The following PLPP1 variants were observed in gnomAD, a reference collection of about 807,000 sequenced individuals.
PLPP1 encodes the protein lipid phosphate phosphohydrolase 1a.
PLPP1 carries 24 observed loss-of-function variants against 31.2 expected under a neutral mutation model. The ratio of observed to expected loss-of-function variants is 0.77; its 90% confidence interval spans 0.56 to 1.08. The LOEUF (loss-of-function observed/expected upper bound fraction) is 1.08, where lower values mean the gene tolerates loss of function less well. Ranked by LOEUF, PLPP1 falls within the 50% of genes least tolerant of loss-of-function variation. PLPP1 has a pLI of 0.00. For missense variants in PLPP1, 319 were observed against 342.7 expected (o/e 0.93, Z 0.55); for synonymous variants, 146 against 126.3 (o/e 1.16, Z -1.05).
rs572787177 is a variant in PLPP1, at chr5:55,461,355, A to G, written c.491+6514T>C. Among the ~76,000 whole-genome samples the G allele has an allele frequency of 2.2e-3, 329 of 152,270 alleles. 4 individuals are homozygous for G. The highest frequency in any genetic ancestry group is 7.7e-3 in the African/African-American group (319 of 41,536). On this transcript the variant is annotated intron_variant, in intron 3 of 5. Coordinates refer to ENST00000307259, the MANE Select transcript of PLPP1 (RefSeq NM_003711.4). ...ACAGACCAATAACTCATAAACACAGATGTAAAAATCCTTAATAAAATATTA... is the reference window on the plus strand; with the variant it reads ...ACAGACCAATAACTCATAAACACAGGTGTAAAAATCCTTAATAAAATATTA...
chr5:55,467,092 G>A (rs1042663523), intron 3 of PLPP1, among the ~76,000 whole-genome samples: 2 of 152,070 alleles, frequency 1.3e-5, no homozygotes, highest in African/African-American at 2.4e-5. Flanking sequence ...CAATAAGGGC[G>A]TTATAAGACA....
intron 3 of PLPP1, among the ~76,000 whole-genome samples, chr5:55,449,613 A>T (rs1384962846): frequency 2.6e-5 from 4 of 152,214 alleles, no homozygotes; most frequent in Admixed American, 2.6e-4. Context: ...GTTTTAACAT[A>T]TATATGTATT....
At chr5:55,489,047 A>C (rs1357335717) in intron 1 of PLPP1, among the ~76,000 whole-genome samples, 1 of 152,002 alleles carries the variant, frequency 6.6e-6, no homozygotes, top group Non-Finnish European at 1.5e-5. Flanking sequence ...AAAATACAAA[A>C]ATTAACTGGG....
chr5:55,435,265 G>A (rs1751464959), intron 4 of PLPP1, among the ~76,000 whole-genome samples: 1 of 152,174 alleles, frequency 6.6e-6, no homozygotes, highest in African/African-American at 2.4e-5. Flanking sequence ...GCAGAGAAAA[G>A]GAACTCTTCT....
chr5:55,449,009 GTATACGT>G (rs1751833688), intron 3 of PLPP1, among the ~76,000 whole-genome samples: 1 of 152,126 alleles, frequency 6.6e-6, no homozygotes. Flanking sequence ...AAAAAAGTCT[GTATACGT>G]TCAGTACAGA....
intron 1 of PLPP1, among the ~76,000 whole-genome samples, chr5:55,509,146 G>A (rs1052561239): frequency 2.6e-5 from 4 of 152,174 alleles, no homozygotes; most frequent in Non-Finnish European, 5.9e-5. Context: ...ACAGCATGAA[G>A]GTTTTCAATT....
intron 3 of PLPP1, among the ~76,000 whole-genome samples, chr5:55,464,497 A>G (rs1264172705): frequency 6.6e-6 from 1 of 152,194 alleles, no homozygotes; most frequent in East Asian, 1.9e-4. Flanking sequence ...TTGGCCTCCC[A>G]AAGTTCGGAC....
chr5:55,534,806 G>A lies in PLPP1; in HGVS notation c.-177C>T. The A allele has an allele frequency of 1.7e-6, 1 of 598,650 alleles. No individual in the cohort carries two copies. Among genetic ancestry groups the A allele is most frequent in the Non-Finnish European group, 2.8e-6 (1 of 362,918 alleles). The allele number at this position is 598,650 out of a possible 1,614,324, so 37.1% of individuals were successfully genotyped here. Reference sequence around the variant, plus strand: ...AGACCGGGCGGCGCTCCCACCGCCAGCAATGGCGCCCGGGGCCCTCCCCTC... The same window carrying A: ...AGACCGGGCGGCGCTCCCACCGCCAACAATGGCGCCCGGGGCCCTCCCCTC... On this transcript the variant is annotated 5_prime_UTR_variant, in exon 1 of 6. Transcript: ENST00000307259.
rs555449849 is a variant in PLPP1, at chr5:55,525,445, CAT to C, written c.58+9125_58+9126del. ...GCTGCCTAACATTTTAAAGAAAATA[CAT>C]AGACTAGTTTTTCATAGCTTATAAG... On this transcript the variant is annotated intron_variant, in intron 1 of 5. Transcript: ENST00000307259. 4.2e-3 allele frequency among the ~76,000 whole-genome samples: 642 copies of C among 152,292 alleles called. 4 individuals are homozygous for C. Among genetic ancestry groups the C allele is most frequent in the African/African-American group, 0.015 (614 of 41,570 alleles).
intron 1 of PLPP1, among the ~76,000 whole-genome samples, chr5:55,488,932 G>A (rs1401477970): frequency 6.6e-6 from 1 of 152,096 alleles, no homozygotes; most frequent in South Asian, 2.1e-4. Context: ...GAGAGGCTGA[G>A]GCAGGAGAAT....
rs556915358 is a variant in PLPP1 at position 55,426,586 on chromosome 5, T to A, written c.550-547A>T. ...CCAGCTAATTGGTTTTTTTTTTTTT[T>A]TATAGAGATGGGGGTCTCACTGTGT... On this transcript the variant is annotated intron_variant, in intron 4 of 5. Transcript: ENST00000307259. 7.7e-4 allele frequency among the ~76,000 whole-genome samples: 115 copies of A among 149,086 alleles called. 1 individual carries two copies. The highest frequency in any genetic ancestry group is 2.6e-3 in the African/African-American group (106 of 40,518).
intron 4 of PLPP1, among the ~76,000 whole-genome samples, chr5:55,429,551 A>C (rs925536267): frequency 6.6e-6 from 1 of 152,056 alleles, no homozygotes; most frequent in African/African-American, 2.4e-5. Context: ...CAACCCACAC[A>C]AACAGGGAAC....
At position 55,441,942 on chromosome 5, in the gene PLPP1, C is replaced by A; in HGVS notation, c.492-34G>T. The A allele has an allele frequency of 1.9e-6, 3 of 1,587,618 alleles. No individual in the cohort carries two copies. The South Asian group carries it at 3.3e-5, about 18-fold the overall frequency. On this transcript the variant is annotated intron_variant, in intron 3 of 5. Transcript: ENST00000307259. Reference sequence around the variant, plus strand: ...AAAAGAAGACAAATGTTACTTTTCTCTCTTAGGAGCCAAAAGTATTGTTGA... The same window carrying A: ...AAAAGAAGACAAATGTTACTTTTCTATCTTAGGAGCCAAAAGTATTGTTGA...
chr5:55,442,896 C>G (rs916632262), intron 3 of PLPP1, among the ~76,000 whole-genome samples: 1 of 151,810 alleles, frequency 6.6e-6, no homozygotes, highest in Non-Finnish European at 1.5e-5. Flanking sequence ...GCAGAAGAGG[C>G]AAGCACATCA....
intron 4 of PLPP1, among the ~76,000 whole-genome samples, chr5:55,430,281 A>G (rs1751316732): frequency 6.6e-6 from 1 of 152,200 alleles, no homozygotes; most frequent in African/African-American, 2.4e-5. Context: ...TGGAGACCCA[A>G]GAATCAGCCC....
intron 1 of PLPP1, among the ~76,000 whole-genome samples, chr5:55,529,905 G>A (rs1355231287): frequency 6.6e-6 from 1 of 152,144 alleles, no homozygotes; most frequent in Non-Finnish European, 1.5e-5. Flanking sequence ...AAGTACAACA[G>A]GGATTCTCTT....
At chr5:55,483,094 T>G (rs887764390) in intron 1 of PLPP1, among the ~76,000 whole-genome samples, 1 of 152,086 alleles carries the variant, frequency 6.6e-6, no homozygotes, top group Non-Finnish European at 1.5e-5. Flanking sequence ...TTCCCCCAGG[T>G]GTTAACAAAG....
At chr5:55,444,768 T>TGTGTGTGTGTGTGTGTGTGTGTGTGA (rs1751716404) in intron 3 of PLPP1, among the ~76,000 whole-genome samples, 1 of 151,608 alleles carries the variant, frequency 6.6e-6, no homozygotes, top group Non-Finnish European at 1.5e-5. Flanking sequence ...TGTGTGTGTG[T>TGTGTGTGTGTGTGTGTGTGTGTGTGA]GTGATGGAGT....
chr5:55,527,223 G>A (rs766910165), intron 1 of PLPP1, among the ~76,000 whole-genome samples: 6 of 152,128 alleles, frequency 3.9e-5, no homozygotes, highest in Admixed American at 1.3e-4. Flanking sequence ...CAAAGGGACC[G>A]CTCCTTAGGA....
Sources: gnomAD v4.1 joint callset for allele counts (sites outside exome capture counted in the v4.1 genomes callset) on GRCh38, gnomAD v4.1.1 for gene constraint, MANE v1.5 for transcripts, NCBI Gene and HGNC (gene_info 2026-07-23, HGNC 2026-07-21) for gene names.